The following CRACD variants were observed in gnomAD, a reference collection of about 807,000 sequenced individuals.
CRACD encodes capping protein-inhibiting regulator of actin dynamics.
In CRACD, 56 loss-of-function variants were observed where a neutral mutation model predicts 106.8. That is an observed-to-expected ratio of 0.52 (90% CI 0.42 to 0.66). The LOEUF (loss-of-function observed/expected upper bound fraction) is 0.66. Ranked by LOEUF, CRACD falls within the 30% of genes least tolerant of loss-of-function variation. The probability of loss-of-function intolerance (pLI) is 0.00; values close to 1 mark genes in which losing one functional copy is unlikely to be tolerated. For synonymous variants in CRACD, 754 were observed against 670.8 expected, an observed-to-expected ratio of 1.12 and a Z score of -1.92; for missense variants, 1,730 against 1,623.2, an observed-to-expected ratio of 1.07 and a Z score of -1.13.
At chr4:56,273,533 G>T (rs938739043) in intron 3 of CRACD, among the ~76,000 whole-genome samples, 14 of 152,176 alleles carry the variant, frequency 9.2e-5, no homozygotes, top group African/African-American at 3.1e-4. Context: ...TTTCTTACCT[G>T]AGTGCTTGGA....
chr4:56,195,719 G>A (rs1415908859), intron 2 of CRACD, among the ~76,000 whole-genome samples: 3 of 152,160 alleles, frequency 2.0e-5, no homozygotes, highest in African/African-American at 7.2e-5. Flanking sequence ...GTAAGAATGA[G>A]TATCTGTGAA....
chr4:56,050,299 TG>T (rs1731833182), intron 1 of CRACD, among the ~76,000 whole-genome samples: 1 of 151,010 alleles, frequency 6.6e-6, no homozygotes, highest in Non-Finnish European at 1.5e-5. Flanking sequence ...TGTGTGTGTG[TG>T]TGTGTGTGTG....
Position 56,316,206 on chromosome 4 carries a change from C to T in CRACD, c.2704C>T (p.His902Tyr), listed in dbSNP as rs541285788. The change falls in exon 8 of 11, where the codon CAT becomes TAT. Residue 902 changes from histidine to tyrosine, a missense_variant. This residue lies in a region of CRACD where 1,620 missense variants were observed against 1,481.6 expected (regional missense o/e 1.09). Coordinates refer to ENST00000682029, the MANE Select transcript of CRACD (RefSeq NM_001393381.1). ...AGAGATGGAGGGTGTGGCCCTCAAGCATGGTCCATCCCTCCCCCAAGAGCG... is the reference window on the plus strand; with the variant it reads ...AGAGATGGAGGGTGTGGCCCTCAAGTATGGTCCATCCCTCCCCCAAGAGCG... ...EKEMEGVALK[H>Y]GPSLPQERKQ... The T allele has an allele frequency of 1.9e-6, 3 of 1,614,120 alleles. No homozygotes were observed. The East Asian group carries it at 6.7e-5, about 36-fold the overall frequency.
chr4:56,315,076 A>C lies in CRACD; in HGVS notation c.1574A>C (p.Gln525Pro), dbSNP rs1263127482. The C allele has an allele frequency of 1.2e-6, 2 of 1,610,792 alleles. No individual in the cohort carries two copies. Among genetic ancestry groups the C allele is most frequent in the Non-Finnish European group, 1.7e-6 (2 of 1,179,140 alleles). The change falls in exon 8 of 11, where the codon CAG (glutamine) becomes CCG (proline). Residue 525 changes from glutamine (Q) to proline (P), a missense_variant. Physicochemically the swap from Gln to Pro is moderately conservative, Grantham distance 76. Transcript: ENST00000682029. The surrounding 1 kb of genome is among the most constrained non-coding windows in gnomAD (Gnocchi z 4.1). ...CGCAAGGTGGAGGAGCTGCGGTGGC[A>C]GGAGGTGGACGAGAGACAGACCATG... ...QGRKVEELRW[Q>P]EVDERQTMPR...
intron 3 of CRACD, among the ~76,000 whole-genome samples, chr4:56,291,855 T>C (rs539159618): frequency 2.6e-5 from 4 of 152,130 alleles, no homozygotes; most frequent in Non-Finnish European, 5.9e-5. Flanking sequence ...AACACAAAAA[T>C]GACCTAATAT....
chr4:56,078,468 G>A (rs1344570160), intron 1 of CRACD, among the ~76,000 whole-genome samples: 1 of 152,144 alleles, frequency 6.6e-6, no homozygotes, highest in South Asian at 2.1e-4. Context: ...GTGCAGTGGT[G>A]TGATCATAGC....
At chr4:56,178,752 C>T (rs1022233289) in intron 1 of CRACD, among the ~76,000 whole-genome samples, 1 of 152,190 alleles carries the variant, frequency 6.6e-6, no homozygotes, top group African/African-American at 2.4e-5. Context: ...CATTTTCTAC[C>T]TCCATTCCAG....
chr4:56,254,369 A>C (rs1397373015), intron 2 of CRACD, among the ~76,000 whole-genome samples: 1 of 145,724 alleles, frequency 6.9e-6, no homozygotes, highest in Non-Finnish European at 1.5e-5. Context: ...AATTTCATTA[A>C]AAATCTTTTA....
intron 1 of CRACD, among the ~76,000 whole-genome samples, chr4:56,057,547 G>T (rs1006815129): frequency 4.2e-4 from 64 of 151,724 alleles, no homozygotes; most frequent in Admixed American, 3.9e-3. Flanking sequence ...TGTGACAGGG[G>T]TAAATAAGAT....
chr4:56,323,988 A>C, intron 9 of CRACD, 116 bp from the exon 10 acceptor site: 2 of 1,149,378 alleles, frequency 1.7e-6, no homozygotes, highest in Non-Finnish European at 2.5e-6. Flanking sequence ...AATCCAGCCC[A>C]CCGTTGGAAG....
intron 2 of CRACD, among the ~76,000 whole-genome samples, chr4:56,270,829 C>G (rs933778460): frequency 6.6e-6 from 1 of 152,070 alleles, no homozygotes; most frequent in Non-Finnish European, 1.5e-5. Context: ...CGCCTGTAAT[C>G]ACAGCACTTT....
At chr4:56,130,757 G>A (rs1454380162) in intron 1 of CRACD, among the ~76,000 whole-genome samples, 1 of 151,854 alleles carries the variant, frequency 6.6e-6, no homozygotes, top group Non-Finnish European at 1.5e-5. Context: ...TTGGCTTTCT[G>A]CCAACCTTAT....
intron 3 of CRACD, among the ~76,000 whole-genome samples, chr4:56,291,314 T>G (rs1434192193): frequency 1.3e-5 from 2 of 152,190 alleles, no homozygotes; most frequent in Non-Finnish European, 2.9e-5. Flanking sequence ...AATAAAGAAG[T>G]CCGGACGAAC....
intron 1 of CRACD, among the ~76,000 whole-genome samples, chr4:56,103,616 C>T (rs1733849969): frequency 6.6e-6 from 1 of 152,150 alleles, no homozygotes; most frequent in Non-Finnish European, 1.5e-5. Context: ...TATTTTGTTA[C>T]ATTATTCCAT....
rs532598164 is a variant in CRACD, at chr4:56,130,969, A to G, written c.-335-48315A>G. Among the ~76,000 whole-genome samples, 4 of 152,284 alleles carry G rather than the reference A, an allele frequency of 2.6e-5. No individual in the cohort carries two copies. In the East Asian group the frequency reaches 5.8e-4, roughly 22 times the overall value. ...TGTGGTTCATTTCCTTATATGTAAA[A>G]TGGAGGCAGTGATGCTTGTCTGACT... is the stretch of plus-strand genomic sequence containing the variant. On this transcript the variant is annotated intron_variant, in intron 1 of 10. Transcript: ENST00000682029.
chr4:56,087,540 G>C (rs1733271422), intron 1 of CRACD, among the ~76,000 whole-genome samples: 1 of 152,114 alleles, frequency 6.6e-6, no homozygotes, highest in Admixed American at 6.5e-5. Flanking sequence ...GATTCTTTCT[G>C]AAACCTTCTT....
At chr4:56,247,861 A>AAG (rs201091189) in intron 2 of CRACD, among the ~76,000 whole-genome samples, 34 of 151,370 alleles carry the variant, frequency 2.2e-4, no homozygotes, top group African/African-American at 8.0e-4. Flanking sequence ...AAAAAAAAAA[A>AAG]AGAGAGAGAG....
intron 1 of CRACD, among the ~76,000 whole-genome samples, chr4:56,060,955 G>A (rs1732249774): frequency 6.6e-6 from 1 of 152,148 alleles, no homozygotes; most frequent in South Asian, 2.1e-4. Flanking sequence ...AGAACTGTGA[G>A]AAGCAGATTT....
At chr4:56,218,651 T>C (rs1026991525) in intron 2 of CRACD, among the ~76,000 whole-genome samples, 1 of 142,794 alleles carries the variant, frequency 7.0e-6, no homozygotes, top group Admixed American at 6.9e-5. Flanking sequence ...TCTGTCACCC[T>C]GGCTGGAGTG....
Sources: allele counts gnomAD v4.1 joint callset (sites outside exome capture counted in the v4.1 genomes callset), GRCh38; gene constraint gnomAD v4.1.1; regional missense constraint gnomAD v4.1.1; non-coding constraint Gnocchi (gnomAD v3.1); transcripts MANE v1.5; gene names NCBI Gene and HGNC (gene_info 2026-07-23, HGNC 2026-07-21).